SBF2: variants seen among roughly 807,000 people sequenced by gnomAD.
The protein encoded by SBF2 is SET binding factor 2.
In SBF2, 112 loss-of-function variants were observed where a neutral mutation model predicts 225.2. The observed-to-expected ratio is 0.50, with a 90% CI of 0.43 to 0.58. The LOEUF (loss-of-function observed/expected upper bound fraction) is 0.58. Among genes scored for constraint, SBF2 ranks in the 20% least tolerant of loss-of-function variants. The pLI, the probability that SBF2 is intolerant of heterozygous loss-of-function variation, is 0.00. For missense variants in SBF2, 1,996 were observed against 2,206.2 expected (o/e 0.90, Z 1.91); for synonymous variants, 763 against 773.3 (o/e 0.99, Z 0.22).
At chr11:10,186,540 TA>T (rs982439511) in intron 2 of SBF2, among the ~76,000 whole-genome samples, 95 of 152,244 alleles carry the variant, frequency 6.2e-4, no homozygotes, top group African/African-American at 2.1e-3. Flanking sequence ...TGTGTCTCTT[TA>T]AAACAATCAA....
At chr11:9,972,168 C>T (rs1427865250) in intron 13 of SBF2, among the ~76,000 whole-genome samples, 1 of 152,232 alleles carries the variant, frequency 6.6e-6, no homozygotes, top group African/African-American at 2.4e-5. Context: ...GTAGTTTTCA[C>T]ATCTGTAAGG....
intron 32 of SBF2, among the ~76,000 whole-genome samples, chr11:9,803,743 T>C (rs1270772751): frequency 2.0e-5 from 3 of 152,148 alleles, no homozygotes; most frequent in Non-Finnish European, 4.4e-5. Context: ...CCTGGAATCC[T>C]CCCACATTAA....
intron 14 of SBF2, among the ~76,000 whole-genome samples, chr11:9,966,603 A>G (rs1372243485): frequency 6.6e-6 from 1 of 152,218 alleles, no homozygotes; most frequent in African/African-American, 2.4e-5. Flanking sequence ...GACAAAAGTT[A>G]GTAAAGGAAG....
At chr11:9,900,566 A>G (rs560877152) in intron 16 of SBF2, among the ~76,000 whole-genome samples, 4 of 152,288 alleles carry the variant, frequency 2.6e-5, no homozygotes, top group African/African-American at 9.6e-5. Context: ...CGTCAGGGAT[A>G]AGAACCCCTT....
intron 27 of SBF2, among the ~76,000 whole-genome samples, chr11:9,830,169 C>T (rs1244363569): frequency 6.6e-6 from 1 of 152,188 alleles, no homozygotes; most frequent in Non-Finnish European, 1.5e-5. Context: ...TGAAGCAAAA[C>T]AGAATCACTG....
chr11:10,172,214 T>C (rs1291604742), intron 2 of SBF2, among the ~76,000 whole-genome samples: 1 of 152,172 alleles, frequency 6.6e-6, no homozygotes, highest in Non-Finnish European at 1.5e-5. Flanking sequence ...TTCTTTAAGA[T>C]GCATCATTAG....
rs79008610 is a variant in SBF2 at position 9,785,627 on chromosome 11, C to T, written c.5038-309G>A. Among the ~76,000 whole-genome samples, 864 of 152,140 alleles carry T rather than the reference C, an allele frequency of 5.7e-3. 68 individuals carry two copies. In the East Asian group the frequency reaches 0.15, roughly 26 times the overall value. ...ATGTAATCCTAGCACTTTGGGAGGC[C>T]GAGGTGAGTGGATCACTTGAGTCCA... On this transcript the variant is annotated intron_variant, in intron 36 of 39. Transcript: ENST00000256190.
chr11:10,234,231 T>C (rs761241660), intron 1 of SBF2, among the ~76,000 whole-genome samples: 14 of 152,178 alleles, frequency 9.2e-5, no homozygotes, highest in Non-Finnish European at 1.8e-4. Context: ...GTTGAGGTAG[T>C]TGTTTTTACC....
upstream of SBF2, among the ~76,000 whole-genome samples, chr11:10,298,348 G>T (rs926309856): frequency 6.6e-6 from 1 of 152,176 alleles, no homozygotes; most frequent in African/African-American, 2.4e-5. Context: ...CCAAGATCGC[G>T]CCATTGCACT....
chr11:10,081,665 CAGG>C (rs1168086891), intron 2 of SBF2, among the ~76,000 whole-genome samples: 1 of 150,522 alleles, frequency 6.6e-6, no homozygotes, highest in Non-Finnish European at 1.5e-5. Context: ...GAGGCTGAGG[CAGG>C]AGGATCGCTT....
chr11:9,853,769 T>C, intron 19 of SBF2, 57 bp from the exon 20 acceptor site: 1 of 1,478,226 alleles, frequency 6.8e-7, no homozygotes, highest in Admixed American at 1.7e-5. Flanking sequence ...AAATGACTAC[T>C]ATATAGTAGT....
chr11:10,239,154 T>C (rs1565389848), intron 1 of SBF2, among the ~76,000 whole-genome samples: 1 of 150,616 alleles, frequency 6.6e-6, no homozygotes. Context: ...TGAATATATA[T>C]AAACCACTGC....
At chr11:9,947,629 C>T (rs1174894474) in intron 16 of SBF2, among the ~76,000 whole-genome samples, 2 of 152,114 alleles carry the variant, frequency 1.3e-5, no homozygotes, top group Non-Finnish European at 2.9e-5. Flanking sequence ...TATGCTTATG[C>T]TCAGAGGTCA....
At chr11:10,106,293 T>A (rs1952550856) in intron 2 of SBF2, among the ~76,000 whole-genome samples, 1 of 152,164 alleles carries the variant, frequency 6.6e-6, no homozygotes, top group Non-Finnish European at 1.5e-5. Context: ...GAAAAACCTT[T>A]GCTACAGGGG....
intron 17 of SBF2, among the ~76,000 whole-genome samples, chr11:9,887,743 T>G (rs1208399182): frequency 6.6e-6 from 1 of 151,982 alleles, no homozygotes; most frequent in East Asian, 1.9e-4. Context: ...TTTTTAAGAT[T>G]AATATTTGGT....
Position 9,992,288 on chromosome 11 carries a change from T to C in SBF2, c.1296+127A>G, listed in dbSNP as rs1382412560. 1.3e-5 allele frequency: 9 copies of C among 712,654 alleles called. No individual in the cohort carries two copies. The Admixed American group carries it at 3.1e-4, about 24-fold the overall frequency. 44.1% of individuals were successfully genotyped at this position (712,654 alleles called of 1,614,324 possible). ...ATCGAGATTTGATAAGCATAATAAA[T>C]AACATTGGGATTATTTAATACCTAA... On this transcript the variant is annotated intron_variant, in intron 12 of 39. Transcript: ENST00000256190.
Position 10,063,858 on chromosome 11 carries a change from C to CACAGAGAGAGAGAGAGAG in SBF2, c.142-20878_142-20877insCTCTCTCTCTCTCTCTGT, listed in dbSNP as rs373423157. Among the ~76,000 whole-genome samples, 683 of 136,150 alleles carry CACAGAGAGAGAGAGAGAG rather than the reference C, an allele frequency of 5.0e-3. 23 individuals carry two copies. In the East Asian group the frequency reaches 0.1, roughly 20 times the overall value. 89.3% of individuals were successfully genotyped at this position (136,150 alleles called of 152,430 possible). ...ACACACACACACACACACACACACA[C>CACAGAGAGAGAGAGAGAG]AGAGAGAGAGAGAGAGAGAGAGAAA... On this transcript the variant is annotated intron_variant, in intron 2 of 39. Transcript: ENST00000256190.
intron 33 of SBF2, among the ~76,000 whole-genome samples, chr11:9,791,439 A>C (rs935171287): frequency 7.1e-6 from 1 of 140,262 alleles, no homozygotes; most frequent in African/African-American, 2.5e-5. Context: ...AAAAAAAAAA[A>C]AGACTCAAGC....
chr11:10,242,278 C>G (rs1481478104), intron 1 of SBF2, among the ~76,000 whole-genome samples: 1 of 151,928 alleles, frequency 6.6e-6, no homozygotes, highest in Non-Finnish European at 1.5e-5. Context: ...GAAGTTAAGA[C>G]TGTATCAGCT....
Sources: gnomAD v4.1 joint callset for allele counts (sites outside exome capture counted in the v4.1 genomes callset) on GRCh38, gnomAD v4.1.1 for gene constraint, MANE v1.5 for transcripts, NCBI Gene and HGNC (gene_info 2026-07-23, HGNC 2026-07-21) for gene names.